The following AGMAT variants were observed in gnomAD, a reference collection of about 807,000 sequenced individuals.
The protein encoded by AGMAT is guanidino acid hydrolase, mitochondrial.
Under a neutral mutation model 29.3 loss-of-function variants are expected in AGMAT, and 37 were observed. The ratio of observed to expected loss-of-function variants is 1.26; its 90% CI spans 0.97 to 1.66. The LOEUF (loss-of-function observed/expected upper bound fraction) is 1.66, where lower values mean the gene tolerates loss of function less well. AGMAT is among the 40% of genes most tolerant of loss of function. AGMAT has a pLI of 0.00. For missense variants in AGMAT, 498 were observed against 497.8 expected (o/e 1.00, Z 0.00); for synonymous variants, 199 against 200.8 (o/e 0.99, Z 0.08).
In AGMAT at chr1:15,584,935, C is replaced by T; in HGVS notation, c.33G>A (p.Arg11=). 7.3e-7 allele frequency: 1 copy of T among 1,366,388 alleles called. No individual in the cohort carries two copies. The highest frequency in any genetic ancestry group is 9.4e-7 in the Non-Finnish European group (1 of 1,068,226). The allele number at this position is 1,366,388 out of a possible 1,614,324, so 84.6% of individuals were successfully genotyped here. ...GCGCGCCCACGCCGGGCCCCGGGCC[C>T]CGGGCGCACCCGGACGCCAGCAGCC... MLRLLASGCA[R]GPGPGVGARP... is the part of the protein sequence containing the mutation. Residue 11 remains arginine, a synonymous_variant, in exon 1 of 7, where the codon CGG becomes CGA. Coordinates refer to ENST00000375826, the MANE Select transcript of AGMAT (RefSeq NM_024758.5).
rs558442584 is a variant in AGMAT at position 15,578,655 on chromosome 1, C to T, written c.720+204G>A. Among the ~76,000 whole-genome samples the T allele has an allele frequency of 2.0e-3, 303 of 152,158 alleles. 2 individuals are homozygous for T. The highest frequency in any genetic ancestry group is 6.9e-3 in the African/African-American group (287 of 41,526). The stretch of plus-strand genomic sequence containing the variant: ...TTGGTCGATTTCTGCTTGTCTCCCC[C>T]GCCCAGCGATAGACTTCCCATGGCC... On this transcript the variant is annotated intron_variant, in intron 4 of 6. Coordinates refer to ENST00000375826, the MANE Select transcript of AGMAT (RefSeq NM_024758.5).
chr1:15,573,917 CAT>C (rs1174897840), intron 6 of AGMAT, among the ~76,000 whole-genome samples, 193 bp from the exon 7 acceptor site: 1 of 152,160 alleles, frequency 6.6e-6, no homozygotes, highest in African/African-American at 2.4e-5. Flanking sequence ...ATTTGGGAAT[CAT>C]ATTTTAAAAT....
chr1:15,573,840 G>T (rs1638995122), intron 6 of AGMAT, 116 bp from the exon 7 acceptor site: 15 of 896,264 alleles, frequency 1.7e-5, no homozygotes, highest in Non-Finnish European at 2.5e-5. Context: ...CCTGTCTTGT[G>T]CACCCCTCTA....
rs535583705 is a variant in AGMAT at position 15,572,522 on chromosome 1, G to C, written c.*1129C>G. On this transcript the variant is annotated 3_prime_UTR_variant, in exon 7 of 7. Coordinates refer to ENST00000375826, the MANE Select transcript of AGMAT (RefSeq NM_024758.5). ...CTATAGGCACGCGCCACCACGCCCA[G>C]CTAACTTCTGTATTTTCAGTAGAGA... is the stretch of plus-strand genomic sequence containing the variant. 5 of 145,762 alleles carry C rather than the reference G, an allele frequency of 3.4e-5. No individual in the cohort carries two copies. Among genetic ancestry groups the C allele is most frequent in the African/African-American group, 5.0e-5 (2 of 39,746 alleles). 9.0% of individuals were successfully genotyped at this position (145,762 alleles called of 1,614,324 possible). A position where few individuals can be genotyped will look rare whatever the true frequency, so the allele number is the denominator to read the frequency against.
Position 15,573,603 on chromosome 1 carries a change from G to A in AGMAT, c.*48C>T. The A allele has an allele frequency of 6.4e-7, 1 of 1,559,222 alleles. No individual in the cohort carries two copies. The highest frequency in any genetic ancestry group is 8.8e-7 in the Non-Finnish European group (1 of 1,130,304). On this transcript the variant is annotated 3_prime_UTR_variant, in exon 7 of 7. Transcript: ENST00000375826. ...GACTGCTTACTCATAAGTTCTTCTT[G>A]AGAACTTGTCAGCGACGCAATCTGT... is the stretch of plus-strand genomic sequence containing the variant.
At chr1:15,583,150 C>T in intron 2 of AGMAT, 43 bp downstream of exon 2, 1 of 1,591,680 alleles carries the variant, frequency 6.3e-7, no homozygotes, top group Non-Finnish European at 8.6e-7. Flanking sequence ...TAAGTAAACC[C>T]TGAGTGCAGG....
chr1:15,576,740 C>CTTTTTTTTGTTTTTTTTTTTTTTTTT (rs1639044386), intron 5 of AGMAT, among the ~76,000 whole-genome samples: 1 of 35,796 alleles, frequency 2.8e-5, no homozygotes. Flanking sequence ...GTTTAGTGTT[C>CTTTTTTTTGTTTTTTTTTTTTTTTTT]TTTTTTTTTT....
intron 5 of AGMAT, chr1:15,575,701 T>G (rs917919270): frequency 6.6e-6 from 1 of 152,182 alleles, no homozygotes; most frequent in African/African-American, 2.4e-5. Flanking sequence ...GAGCTTACCT[T>G]GGCAGGTAAT....
At chr1:15,573,878 G>A (rs1431115091) in intron 6 of AGMAT, among the ~76,000 whole-genome samples, 154 bp from the exon 7 acceptor site, 1 of 152,170 alleles carries the variant, frequency 6.6e-6, no homozygotes, top group East Asian at 1.9e-4. Flanking sequence ...GAACACGCTT[G>A]CCCAGGCTCT....
rs182087567 is a variant in AGMAT at position 15,580,105 on chromosome 1, C to T, written c.513G>A (p.Ala171=). 6 of 1,613,290 alleles carry T rather than the reference C, an allele frequency of 3.7e-6. No homozygotes were observed. Among genetic ancestry groups the T allele is most frequent in the African/African-American group, 1.3e-5 (1 of 74,828 alleles). ...CATTTGAGACTTACTTTTTTGCCAT[C>T]GCTTGCAATATGGGATATGTGATTG... ...DHTITYPILQ[A]MAKKHGPVGL... The change falls in exon 3 of 7, where the codon GCG becomes GCA. Residue 171 remains alanine, a synonymous_variant. Coordinates refer to ENST00000375826, the MANE Select transcript of AGMAT (RefSeq NM_024758.5).
At chr1:15,577,356 C>T (rs1238607341) in intron 5 of AGMAT, among the ~76,000 whole-genome samples, 4 of 151,952 alleles carry the variant, frequency 2.6e-5, no homozygotes, top group East Asian at 2.0e-4. Flanking sequence ...GAGTGGATCA[C>T]GAGATCAGGA....
At chr1:15,576,679 C>T (rs1268733828) in intron 5 of AGMAT, among the ~76,000 whole-genome samples, 1 of 146,226 alleles carries the variant, frequency 6.8e-6, no homozygotes, top group African/African-American at 2.5e-5. Context: ...CCACCCGCCT[C>T]GGCCTCCCAG....
chr1:15,577,553 A>G, intron 5 of AGMAT, 132 bp downstream of exon 5: 2 of 979,616 alleles, frequency 2.0e-6, no homozygotes, highest in Non-Finnish European at 3.0e-6. Context: ...AGCCTGGGCG[A>G]CAGAGTGAGA....
Position 15,580,746 on chromosome 1 carries a change from C to T in AGMAT, c.476-604G>A, listed in dbSNP as rs34769105. On this transcript the variant is annotated intron_variant, in intron 2 of 6. Transcript: ENST00000375826. The stretch of plus-strand genomic sequence containing the variant: ...ATCCCAGCAGTTTGGGAGGCCAAGG[C>T]GGGCAGGTCACCTGATGTTGGGAGT... Among the ~76,000 whole-genome samples the T allele has an allele frequency of 5.6e-3, 853 of 151,910 alleles. 1 individual carries two copies. The highest frequency in any genetic ancestry group is 8.7e-3 in the Non-Finnish European group (592 of 67,956).
intron 2 of AGMAT, 76 bp from the exon 3 acceptor site, chr1:15,580,218 T>C: frequency 7.6e-7 from 1 of 1,313,580 alleles, no homozygotes; most frequent in Non-Finnish European, 1.1e-6. Context: ...TTTTTTTTTT[T>C]TTTTTGAGAT....
intron 1 of AGMAT, 60 bp from the exon 2 acceptor site, chr1:15,583,455 G>A: frequency 6.6e-7 from 1 of 1,511,698 alleles, no homozygotes; most frequent in Non-Finnish European, 9.0e-7. Flanking sequence ...GCTTTGCTTA[G>A]GCCAGGGCTT....
intron 2 of AGMAT, among the ~76,000 whole-genome samples, chr1:15,581,648 C>T (rs148664957): frequency 0.63 from 94,434 of 150,658 alleles, 30,518 homozygotes; most frequent in African/African-American, 0.79. Flanking sequence ...GCTGAGGCGG[C>T]GGATCACCTG....
chr1:15,575,098 T>A (rs1038347096), intron 5 of AGMAT: 17 of 350,276 alleles, frequency 4.9e-5, no homozygotes, highest in Non-Finnish European at 3.2e-5. Context: ...CACCAAGGGC[T>A]TCAAGGAAAG....
rs1415933999 is a variant in AGMAT, at chr1:15,573,501, A to G, written c.*150T>C. 2 of 636,410 alleles carry G rather than the reference A, an allele frequency of 3.1e-6. No homozygotes were observed. The highest frequency in any genetic ancestry group is 2.1e-5 in the South Asian group (1 of 47,310). The allele number at this position is 636,410 out of a possible 1,614,324, so 39.4% of individuals were successfully genotyped here. A position where few individuals can be genotyped will look rare whatever the true frequency, so the allele number is the denominator to read the frequency against. On this transcript the variant is annotated 3_prime_UTR_variant, in exon 7 of 7. Transcript: ENST00000375826. ...ATGTTGCTGTTTGGGTGAGAATTCTACTGATTATCCCGACTTCACAGCCAG... is the reference window on the plus strand; with the variant it reads ...ATGTTGCTGTTTGGGTGAGAATTCTGCTGATTATCCCGACTTCACAGCCAG...
Sources: gnomAD v4.1 joint callset for allele counts (sites outside exome capture counted in the v4.1 genomes callset) on GRCh38, gnomAD v4.1.1 for gene constraint, MANE v1.5 for transcripts, NCBI Gene and HGNC (gene_info 2026-07-23, HGNC 2026-07-21) for gene names.